The following GLRA2 variants were observed in gnomAD, a reference collection of about 807,000 sequenced individuals.
GLRA2 encodes glycine receptor alpha 2.
Under a neutral mutation model 31.6 loss-of-function variants are expected in GLRA2, and 11 were observed. The observed-to-expected ratio is 0.35, with a 90% CI of 0.22 to 0.58. The LOEUF (loss-of-function observed/expected upper bound fraction) is 0.58. Among genes scored for constraint, GLRA2 ranks in the 20% least tolerant of loss-of-function variants. The pLI is 0.84. For missense variants in GLRA2, 212 were observed against 351.8 expected, an observed-to-expected ratio of 0.60 and a Z score of 3.18; for synonymous variants, 132 against 134.0, an observed-to-expected ratio of 0.99 and a Z score of 0.10.
intron 7 of GLRA2, among the ~76,000 whole-genome samples, chrX:14,615,796 G>A (rs1601767942): frequency 8.9e-6 from 1 of 111,799 alleles, no homozygotes; most frequent in African/African-American, 3.2e-5. Flanking sequence ...CACGTTTCAA[G>A]TAAGAAACTT....
At chrX:14,583,595 C>T (rs775021335) in intron 4 of GLRA2, among the ~76,000 whole-genome samples, 3 of 111,349 alleles carry the variant, frequency 2.7e-5, no homozygotes, top group South Asian at 3.8e-4. Flanking sequence ...AAAAATTAGC[C>T]GGGCATGGTG....
intron 2 of GLRA2, among the ~76,000 whole-genome samples, chrX:14,555,754 C>T (rs113813183): frequency 3.8e-4 from 42 of 111,936 alleles, no homozygotes; most frequent in African/African-American, 1.3e-3. Context: ...AAATGAAGGC[C>T]GATTAACTGG....
intron 2 of GLRA2, among the ~76,000 whole-genome samples, chrX:14,559,419 C>CTTTTTTTT (rs753470377): frequency 2.7e-4 from 13 of 48,581 alleles, no homozygotes; most frequent in South Asian, 1.4e-3. Flanking sequence ...GGGGCCATTT[C>CTTTTTTTT]TTTTTTTTTT....
chrX:14,689,852 GTGAGA>G (rs1414923968), intron 7 of GLRA2, among the ~76,000 whole-genome samples: 3 of 111,944 alleles, frequency 2.7e-5, no homozygotes, highest in Non-Finnish European at 5.6e-5. Context: ...TGTAAGTCGA[GTGAGA>G]TGAGGGGCAT....
rs2147276265 is a variant in GLRA2 at position 14,730,698 on chromosome X, CG to C, written c.*216del. The C allele has an allele frequency of 2.5e-6, 1 of 401,823 alleles. No homozygotes were observed. Among genetic ancestry groups the C allele is most frequent in the East Asian group, 4.1e-5 (1 of 24,280 alleles). 33.1% of individuals were successfully genotyped at this position (401,823 alleles called of 1,213,427 possible). A position where few individuals can be genotyped will look rare whatever the true frequency, so the allele number is the denominator to read the frequency against. On this transcript the variant is annotated 3_prime_UTR_variant, in exon 9 of 9. Coordinates refer to ENST00000218075, the MANE Select transcript of GLRA2 (RefSeq NM_002063.4). The stretch of plus-strand genomic sequence containing the variant: ...ACAAAATTAAGGGGTTGCAGAATCA[CG>C]GGAGCATAATAATTCCCTTCCATAA...
intron 6 of GLRA2, among the ~76,000 whole-genome samples, chrX:14,608,316 A>G (rs1456722251): frequency 8.9e-6 from 1 of 111,752 alleles, no homozygotes; most frequent in Non-Finnish European, 1.9e-5. Context: ...ACAGGTAAAG[A>G]AACACTGTAC....
chrX:14,677,492 G>A (rs527723742), intron 7 of GLRA2, among the ~76,000 whole-genome samples: 2 of 112,046 alleles, frequency 1.8e-5, no homozygotes, highest in African/African-American at 3.2e-5. Flanking sequence ...TGGGCAAGAC[G>A]ACCGTGGGCT....
chrX:14,449,883 G>A, the GLRA2 span, among the ~76,000 whole-genome samples: 2 of 111,754 alleles, frequency 1.8e-5, no homozygotes, highest in Non-Finnish European at 3.8e-5. Flanking sequence ...AGAACACTGA[G>A]AAGAGTGTGG....
chrX:14,650,723 G>A (rs962739151), intron 7 of GLRA2, among the ~76,000 whole-genome samples: 1 of 111,214 alleles, frequency 9.0e-6, no homozygotes, highest in Non-Finnish European at 1.9e-5. Context: ...CCTTTCCCAG[G>A]TGCACAAGGG....
chrX:14,469,167 T>G, the GLRA2 span, among the ~76,000 whole-genome samples: 2 of 111,479 alleles, frequency 1.8e-5, no homozygotes, highest in Non-Finnish European at 1.9e-5. Context: ...CTCTTTAGTT[T>G]AATTAGATCC....
In GLRA2 at chrX:14,731,728, T is replaced by G. The variant is rs1220573628; in HGVS notation, c.*1243T>G. 8.9e-6 allele frequency: 1 copy of G among 111,906 alleles called. No homozygotes were observed. The highest frequency in any genetic ancestry group is 2.8e-4 in the East Asian group (1 of 3,577). The allele number at this position is 111,906 out of a possible 1,213,427, so 9.2% of individuals were successfully genotyped here. ...AGATAAAAGACAACCTGTAAAAATA[T>G]AATAATTAAATTTTACATGTGCTGT... On this transcript the variant is annotated 3_prime_UTR_variant, in exon 9 of 9. Transcript: ENST00000218075.
chrX:14,483,094 G>A, the GLRA2 span, among the ~76,000 whole-genome samples: 4 of 111,765 alleles, frequency 3.6e-5, no homozygotes, highest in East Asian at 1.1e-3. Context: ...CTTCCAATAC[G>A]AATCATGAAA....
At chrX:14,575,225 G>C (rs1345523976) in intron 3 of GLRA2, among the ~76,000 whole-genome samples, 4 of 104,495 alleles carry the variant, frequency 3.8e-5, no homozygotes, top group Admixed American at 3.1e-4. Context: ...TTTTGAGATG[G>C]AGTCTCTCTC....
chrX:14,669,373 C>T (rs2091067389), intron 7 of GLRA2, among the ~76,000 whole-genome samples: 1 of 111,618 alleles, frequency 9.0e-6, no homozygotes, highest in Admixed American at 9.5e-5. Flanking sequence ...AGGACGGTGG[C>T]CCTCTTCTCA....
rs6630853 is a variant in GLRA2, at chrX:14,697,491, T to G, written c.1080+6632T>G. On this transcript the variant is annotated intron_variant, in intron 8 of 8. Coordinates refer to ENST00000218075, the MANE Select transcript of GLRA2 (RefSeq NM_002063.4). ...GAAAAAATAATAATAATCACTACTATCCAGGCATCTTTTCTTCATATGTTC... is the reference window on the plus strand; with the variant it reads ...GAAAAAATAATAATAATCACTACTAGCCAGGCATCTTTTCTTCATATGTTC... 9.8e-5 allele frequency among the ~76,000 whole-genome samples: 11 copies of G among 111,862 alleles called. No homozygotes were observed. The East Asian group carries it at 1.7e-3, about 17-fold the overall frequency.
intron 7 of GLRA2, among the ~76,000 whole-genome samples, chrX:14,652,113 C>A (rs765862336): frequency 2.4e-4 from 27 of 111,648 alleles, no homozygotes; most frequent in South Asian, 1.9e-3. Context: ...TTCAGCTTCC[C>A]GAACTGTAAA....
intron 7 of GLRA2, among the ~76,000 whole-genome samples, chrX:14,673,897 T>G (rs1308573052): frequency 8.9e-6 from 1 of 112,412 alleles, no homozygotes; most frequent in Non-Finnish European, 1.9e-5. Flanking sequence ...GTTTCTTGCT[T>G]GCCAGTCCCA....
Position 14,609,029 on chromosome X carries a change from C to T in GLRA2, c.754C>T (p.Arg252Cys), listed in dbSNP as rs748764171. Residue 252 changes from arginine (R) to cysteine (C), a missense_variant, in exon 7 of 9, where the codon CGC becomes TGC. By Grantham distance (180) the Arg-to-Cys change is radical (BLOSUM62 -3). Transcript: ENST00000218075. Reference protein sequence around the residue: ...TCIEVKFHLERQMGYYLIQMY... With the variant: ...TCIEVKFHLECQMGYYLIQMY... ...CATTGAGGTCAAGTTTCATCTGGAACGCCAAATGGGATATTATTTGATCCA... is the reference window on the plus strand; with the variant it reads ...CATTGAGGTCAAGTTTCATCTGGAATGCCAAATGGGATATTATTTGATCCA... 5 of 1,175,666 alleles carry T rather than the reference C, an allele frequency of 4.3e-6. No individual in the cohort carries two copies. The highest frequency in any genetic ancestry group is 3.5e-6 in the Non-Finnish European group (3 of 864,013).
chrX:14,577,515 A>G (rs1488455585), intron 3 of GLRA2, among the ~76,000 whole-genome samples: 1 of 112,500 alleles, frequency 8.9e-6, no homozygotes, highest in Non-Finnish European at 1.9e-5. Flanking sequence ...TATAAACAAC[A>G]CAAATTTATT....
Sources: allele counts gnomAD v4.1 joint callset (sites outside exome capture counted in the v4.1 genomes callset), GRCh38; gene constraint gnomAD v4.1.1; transcripts MANE v1.5; gene names NCBI Gene and HGNC (gene_info 2026-07-23, HGNC 2026-07-21).